Variants in ASPH observed in about 807,000 individuals in gnomAD.
The protein encoded by ASPH is aspartyl/asparaginyl beta-hydroxylase.
ASPH carries 100 observed loss-of-function variants against 118.4 expected under a neutral mutation model. The observed-to-expected ratio is 0.84, with a 90% CI of 0.72 to 1.00. The LOEUF (loss-of-function observed/expected upper bound fraction) is 1.00, where lower values mean the gene tolerates loss of function less well. ASPH is among the 50% of genes least tolerant of loss of function. The pLI, the probability that ASPH is intolerant of heterozygous loss-of-function variation, is 0.00. For missense variants in ASPH, 920 were observed against 919.5 expected (o/e 1.00, Z -0.01); for synonymous variants, 315 against 325.6 (o/e 0.97, Z 0.35).
chr8:61,578,251 A>T, intron 15 of ASPH: 1 of 1,583,212 alleles, frequency 6.3e-7, no homozygotes, highest in Non-Finnish European at 8.6e-7. Flanking sequence ...AAGTCCTACA[A>T]GGTGTCCACC....
chr8:61,599,950 C>G (rs564095881), intron 14 of ASPH, among the ~76,000 whole-genome samples: 1 of 152,220 alleles, frequency 6.6e-6, no homozygotes, highest in East Asian at 1.9e-4. Flanking sequence ...CAGGACACAA[C>G]AACGACAACA....
intron 5 of ASPH, among the ~76,000 whole-genome samples, chr8:61,649,957 C>T (rs567284678): frequency 7.2e-5 from 11 of 152,288 alleles, no homozygotes; most frequent in African/African-American, 2.2e-4. Flanking sequence ...CAGGTCCTTT[C>T]CTGTCTCTGG....
intron 1 of ASPH, among the ~76,000 whole-genome samples, chr8:61,710,008 C>CA (rs926687759): frequency 2.0e-5 from 3 of 152,108 alleles, no homozygotes; most frequent in African/African-American, 7.2e-5. Flanking sequence ...AATAAATCAT[C>CA]AAAAAAGTCA....
At chr8:61,623,789 G>A (rs982158966) in intron 13 of ASPH, 2 of 152,258 alleles carry the variant, frequency 1.3e-5, no homozygotes, top group Middle Eastern at 3.4e-3. Context: ...GTCAACAGAC[G>A]AATGAAGAAA....
At chr8:61,548,299 T>G in intron 20 of ASPH, 91 bp from the exon 21 acceptor site, 1 of 1,380,150 alleles carries the variant, frequency 7.2e-7, no homozygotes, top group Non-Finnish European at 9.6e-7. Flanking sequence ...AATAAGGTAT[T>G]ACTTTGACAC....
intron 1 of ASPH, among the ~76,000 whole-genome samples, chr8:61,700,260 C>G (rs989798941): frequency 6.6e-6 from 1 of 152,184 alleles, no homozygotes; most frequent in Non-Finnish European, 1.5e-5. Flanking sequence ...AGAGAGGAGA[C>G]TGAGAGGGGC....
chr8:61,506,412 T>C (rs151133642), intron 24 of ASPH, among the ~76,000 whole-genome samples: 3 of 152,330 alleles, frequency 2.0e-5, no homozygotes, highest in East Asian at 3.9e-4. Context: ...TTGATGGTTA[T>C]ACAATATGGA....
chr8:61,651,542 T>C (rs16927695), intron 4 of ASPH: 5,259 of 158,962 alleles, frequency 0.033, 239 homozygotes, highest in South Asian at 0.19. Flanking sequence ...TCAATACAGA[T>C]TGAAGTATCT....
intron 16 of ASPH, among the ~76,000 whole-genome samples, chr8:61,572,071 T>A (rs917238452): frequency 3.3e-5 from 5 of 152,202 alleles, no homozygotes; most frequent in African/African-American, 1.2e-4. Flanking sequence ...AAAAAATATA[T>A]TAATTACTTT....
chr8:61,532,745 T>C (rs1041026672), intron 21 of ASPH, among the ~76,000 whole-genome samples: 1 of 152,192 alleles, frequency 6.6e-6, no homozygotes. Context: ...GTCAGGATAG[T>C]ATAGTGTTTA....
Position 61,583,541 on chromosome 8 carries a change from C to CA in ASPH, c.1062+402dup, listed in dbSNP as rs11311318. ...CTTCAGCCTGGGTGGAGGCTCTGTC[C>CA]AAAAAAAAAAAAAAAAAAATTCTCA... On this transcript the variant is annotated intron_variant, in intron 15 of 24. Transcript: ENST00000379454. 2.8e-3 allele frequency: 321 copies of CA among 112,882 alleles called. 1 individual carries two copies. Among genetic ancestry groups the CA allele is most frequent in the South Asian group, 9.4e-3 (35 of 3,720 alleles). 7.0% of individuals were successfully genotyped at this position (112,882 alleles called of 1,614,324 possible).
At chr8:61,653,468 G>T in intron 4 of ASPH, 100 bp downstream of exon 4, 1 of 1,098,076 alleles carries the variant, frequency 9.1e-7, no homozygotes, top group Non-Finnish European at 1.3e-6. Flanking sequence ...TTCTGTAAAT[G>T]ATGTGAAACA....
At chr8:61,625,634 C>T in intron 13 of ASPH, 4 of 924,924 alleles carry the variant, frequency 4.3e-6, no homozygotes, top group Non-Finnish European at 5.0e-6. Context: ...AAAACTTTCA[C>T]TGAAATATTA....
At chr8:61,604,857 T>G (rs1034517763) in intron 14 of ASPH, among the ~76,000 whole-genome samples, 1 of 152,246 alleles carries the variant, frequency 6.6e-6, no homozygotes, top group African/African-American at 2.4e-5. Context: ...AAGCAGGAAC[T>G]TGCTTCTTTG....
At chr8:61,635,359 C>T (rs1027361732) in intron 12 of ASPH, among the ~76,000 whole-genome samples, 7 of 152,098 alleles carry the variant, frequency 4.6e-5, no homozygotes, top group South Asian at 2.1e-4. Flanking sequence ...AAAATGATCA[C>T]ATCAGTTTCC....
At chr8:61,684,967 T>C (rs1415754206) in intron 1 of ASPH, among the ~76,000 whole-genome samples, 1 of 152,116 alleles carries the variant, frequency 6.6e-6, no homozygotes, top group Non-Finnish European at 1.5e-5. Context: ...TATATCAATA[T>C]TAATAAATAA....
chr8:61,579,494 G>A (rs1418058462), intron 15 of ASPH: 12 of 1,584,822 alleles, frequency 7.6e-6, no homozygotes, highest in Admixed American at 3.3e-5. Context: ...GTCTGAGCTC[G>A]GCCTATGGGG....
chr8:61,610,343 GAA>G (rs769343616), intron 14 of ASPH, among the ~76,000 whole-genome samples: 3 of 152,144 alleles, frequency 2.0e-5, no homozygotes, highest in African/African-American at 2.4e-5. Flanking sequence ...AAAACAAAGA[GAA>G]TGTGTATTTT....
chr8:61,579,702 C>G, intron 15 of ASPH: 2 of 1,147,986 alleles, frequency 1.7e-6, no homozygotes, highest in Non-Finnish European at 2.6e-6. Context: ...CAGCCTACCC[C>G]TCCTGCGCTG....
Sources: gnomAD v4.1 joint callset for allele counts (sites outside exome capture counted in the v4.1 genomes callset) on GRCh38, gnomAD v4.1.1 for gene constraint, MANE v1.5 for transcripts, NCBI Gene and HGNC (gene_info 2026-07-23, HGNC 2026-07-21) for gene names.